TFPI: variants seen among roughly 807,000 people sequenced by gnomAD.
TFPI encodes the protein tissue factor pathway inhibitor.
In TFPI, 15 loss-of-function variants were observed where a neutral mutation model predicts 34.6. That is an observed-to-expected ratio of 0.43 (90% confidence interval 0.29 to 0.67). TFPI has a LOEUF of 0.67. Ranked by LOEUF, TFPI falls within the 30% of genes least tolerant of loss-of-function variation. The probability of loss-of-function intolerance (pLI) is 0.15; values close to 1 mark genes in which losing one functional copy is unlikely to be tolerated. For synonymous variants in TFPI, 105 were observed against 120.1 expected (o/e 0.87, Z 0.82); for missense variants, 301 against 364.0 (o/e 0.83, Z 1.41).
At chr2:187,526,244 C>T (rs1687670080) in intron 1 of TFPI, among the ~76,000 whole-genome samples, 3 of 151,604 alleles carry the variant, frequency 2.0e-5, no homozygotes, top group South Asian at 4.2e-4. Context: ...AGGATCAAAC[C>T]GAGAGACATT....
At chr2:187,478,444 A>AG (rs1293297869) in intron 6 of TFPI, 1 of 410,072 alleles carries the variant, frequency 2.4e-6, no homozygotes, top group Non-Finnish European at 4.1e-6. Flanking sequence ...TATAAAAATC[A>AG]GGAAAAAAAT....
chr2:187,500,042 A>G (rs8176434), intron 2 of TFPI, among the ~76,000 whole-genome samples: 5,407 of 152,224 alleles, frequency 0.036, 286 homozygotes, highest in African/African-American at 0.11. Context: ...ATTTGATAGT[A>G]TTTATTATCA....
At chr2:187,481,114 A>G (rs1290429062) in intron 6 of TFPI, among the ~76,000 whole-genome samples, 1 of 152,016 alleles carries the variant, frequency 6.6e-6, no homozygotes, top group Non-Finnish European at 1.5e-5. Context: ...ATATTCAAAT[A>G]CTCTACTTAA....
chr2:187,495,800 G>C (rs1284819710), intron 3 of TFPI, among the ~76,000 whole-genome samples: 1 of 152,046 alleles, frequency 6.6e-6, no homozygotes, highest in Non-Finnish European at 1.5e-5. Flanking sequence ...TATCATTTCT[G>C]TATCACCTCA....
At chr2:187,526,509 G>A (rs915242360) in intron 1 of TFPI, among the ~76,000 whole-genome samples, 2 of 151,990 alleles carry the variant, frequency 1.3e-5, no homozygotes, top group African/African-American at 4.8e-5. Flanking sequence ...GAGAGTAATA[G>A]GATTAAATCA....
At chr2:187,512,607 A>G (rs943365608) in intron 1 of TFPI, among the ~76,000 whole-genome samples, 4 of 152,134 alleles carry the variant, frequency 2.6e-5, no homozygotes, top group Non-Finnish European at 4.4e-5. Flanking sequence ...TGAAATCCCA[A>G]ACTTACAAGG....
At chr2:187,545,138 T>G (rs1409042497) in intron 1 of TFPI, among the ~76,000 whole-genome samples, 1 of 152,008 alleles carries the variant, frequency 6.6e-6, no homozygotes, top group Non-Finnish European at 1.5e-5. Flanking sequence ...AAAAGAAAAA[T>G]AATTGTTTCA....
chr2:187,484,116 A>G lies in TFPI; in HGVS notation c.628+8T>C, dbSNP rs3213740. The G allele has an allele frequency of 1.1e-3, 1,715 of 1,610,646 alleles. 56 individuals are homozygous for G. In the East Asian group the frequency reaches 0.037, roughly 35 times the overall value. ...TCCTGGAAGCAATAAAATCCACAAG[A>G]TTCTTACCAAAAAGGCTGGGAACCT... On this transcript the variant is annotated splice_region_variant and intron_variant, in intron 6 of 7. Transcript: ENST00000233156.
chr2:187,527,199 G>A (rs948457441), intron 1 of TFPI: 11 of 152,132 alleles, frequency 7.2e-5, no homozygotes, highest in Admixed American at 4.6e-4. Context: ...AACTCTACAG[G>A]AATTCTGATA....
chr2:187,526,197 A>C (rs1401261733), intron 1 of TFPI, among the ~76,000 whole-genome samples: 1 of 152,158 alleles, frequency 6.6e-6, no homozygotes. Context: ...AGGTCTAAAA[A>C]TATAACTGAA....
chr2:187,497,904 G>C (rs892553491), intron 2 of TFPI, among the ~76,000 whole-genome samples: 22 of 151,468 alleles, frequency 1.5e-4, no homozygotes, highest in African/African-American at 5.3e-4. Context: ...AATTGTGGGT[G>C]GTGCAACCAA....
At chr2:187,474,070 G>T (rs8176625) in intron 6 of TFPI, among the ~76,000 whole-genome samples, 6,051 of 152,092 alleles carry the variant, frequency 0.04, 179 homozygotes, top group South Asian at 0.12. Context: ...TCTAAGCAAG[G>T]CCACAAAGAA....
At chr2:187,516,751 G>C (rs1687029537) in intron 1 of TFPI, 1 of 152,178 alleles carries the variant, frequency 6.6e-6, no homozygotes, top group Non-Finnish European at 1.5e-5. Context: ...GGTAGTTAAA[G>C]ATCCACCCCT....
chr2:187,500,842 CT>C (rs1398137757), intron 2 of TFPI, among the ~76,000 whole-genome samples: 2 of 152,116 alleles, frequency 1.3e-5, no homozygotes, highest in Admixed American at 1.3e-4. Flanking sequence ...GGAAATCTGC[CT>C]CGGTTTTCAT....
chr2:187,499,564 T>C (rs945019650), intron 2 of TFPI: 1 of 152,086 alleles, frequency 6.6e-6, no homozygotes, highest in Non-Finnish European at 1.5e-5. Context: ...AAATTTGGTG[T>C]GAAGACCCTA....
chr2:187,467,381 C>A (rs575528155), intron 7 of TFPI, among the ~76,000 whole-genome samples: 5 of 151,838 alleles, frequency 3.3e-5, no homozygotes, highest in Non-Finnish European at 5.9e-5. Context: ...TTATACTCTT[C>A]TTAGTCTTTT....
At chr2:187,536,707 T>C (rs368313757) in intron 1 of TFPI, among the ~76,000 whole-genome samples, 2 of 152,236 alleles carry the variant, frequency 1.3e-5, no homozygotes, top group East Asian at 3.9e-4. Context: ...CCACTCCTAT[T>C]CAACATAGTA....
At chr2:187,491,667 A>G (rs1362382019) in intron 3 of TFPI, among the ~76,000 whole-genome samples, 1 of 152,132 alleles carries the variant, frequency 6.6e-6, no homozygotes, top group Non-Finnish European at 1.5e-5. Flanking sequence ...TAAACATACA[A>G]GTACAGTTAT....
chr2:187,479,948 T>A (rs1461756146), intron 6 of TFPI, among the ~76,000 whole-genome samples: 2 of 151,836 alleles, frequency 1.3e-5, no homozygotes, highest in African/African-American at 4.8e-5. Context: ...GTAGAAGAAC[T>A]CAAAAAGTTC....
Sources: gnomAD v4.1 joint callset for allele counts (sites outside exome capture counted in the v4.1 genomes callset) on GRCh38, gnomAD v4.1.1 for gene constraint, MANE v1.5 for transcripts, NCBI Gene and HGNC (gene_info 2026-07-23, HGNC 2026-07-21) for gene names.